SLC30A7: variants seen among roughly 807,000 people sequenced by gnomAD.
SLC30A7 encodes the protein solute carrier family 30 member 7, also known as zinc transporter 7.
In SLC30A7, 35 loss-of-function variants were observed where a neutral mutation model predicts 46.0. That is an observed-to-expected ratio of 0.76 (90% CI 0.58 to 1.01). The LOEUF is 1.01. SLC30A7 is among the 50% of genes least tolerant of loss of function. The pLI is 0.00. For missense variants in SLC30A7, 464 were observed against 451.1 expected (o/e 1.03, Z -0.26); for synonymous variants, 147 against 157.8 (o/e 0.93, Z 0.51).
At chr1:100,946,746 C>CT (rs1553240386) in intron 8 of SLC30A7, among the ~76,000 whole-genome samples, 1 of 151,916 alleles carries the variant, frequency 6.6e-6, no homozygotes, top group African/African-American at 2.4e-5. Context: ...CCAAAATTTT[C>CT]TTTTTTTTGT....
intron 2 of SLC30A7, among the ~76,000 whole-genome samples, chr1:100,904,496 G>T (rs1266936977): frequency 6.6e-6 from 1 of 150,682 alleles, no homozygotes; most frequent in African/African-American, 2.4e-5. Context: ...TCAATATCTT[G>T]GTCTGGTTCT....
intron 3 of SLC30A7, 33 bp from the exon 4 acceptor site, chr1:100,911,029 TA>T: frequency 6.9e-7 from 1 of 1,452,322 alleles, no homozygotes; most frequent in South Asian, 1.2e-5. Flanking sequence ...AGAAATAACA[TA>T]ATAATTCAGT....
chr1:100,966,532 C>G (rs763847284), intron 10 of SLC30A7, among the ~76,000 whole-genome samples: 2 of 150,426 alleles, frequency 1.3e-5, no homozygotes, highest in Non-Finnish European at 3.0e-5. Flanking sequence ...TTGCAGTGAG[C>G]CAAGATCACG....
intron 6 of SLC30A7, among the ~76,000 whole-genome samples, 197 bp downstream of exon 6, chr1:100,914,003 C>CT (rs904733447): frequency 6.6e-6 from 1 of 152,068 alleles, no homozygotes; most frequent in African/African-American, 2.4e-5. Flanking sequence ...TGGATGTTCG[C>CT]TTTTTTCCAG....
the SLC30A7 span, chr1:100,990,339 G>C: frequency 1.4e-6 from 2 of 1,407,330 alleles, no homozygotes; most frequent in Non-Finnish European, 2.0e-6. Context: ...ACTTGGGTGG[G>C]GATACATCCA....
At chr1:100,972,338 G>A (rs899320789) in intron 10 of SLC30A7, 3 of 266,990 alleles carry the variant, frequency 1.1e-5, no homozygotes, top group Non-Finnish European at 2.4e-5. Flanking sequence ...GGGCCAGATG[G>A]ATAAAGCAAA....
intron 2 of SLC30A7, among the ~76,000 whole-genome samples, chr1:100,906,493 A>C (rs1489805502): frequency 6.6e-6 from 1 of 152,076 alleles, no homozygotes; most frequent in African/African-American, 2.4e-5. Context: ...TCCTGGGTGC[A>C]AGCAGGTATC....
chr1:100,969,680 A>ATC (rs1411369111), intron 10 of SLC30A7, among the ~76,000 whole-genome samples: 1 of 152,184 alleles, frequency 6.6e-6, no homozygotes, highest in African/African-American at 2.4e-5. Context: ...AAAATATTTT[A>ATC]AGCCTTTTTA....
intron 8 of SLC30A7, among the ~76,000 whole-genome samples, chr1:100,944,576 T>G (rs1214737998): frequency 6.6e-6 from 1 of 152,088 alleles, no homozygotes; most frequent in African/African-American, 2.4e-5. Flanking sequence ...TAAATAGGTA[T>G]GCATGTGCCA....
At chr1:100,941,711 C>G (rs562660900) in intron 8 of SLC30A7, 6 of 643,418 alleles carry the variant, frequency 9.3e-6, no homozygotes, top group Admixed American at 9.1e-5. Context: ...GGTTCCACAA[C>G]TCTTCCATCC....
intron 8 of SLC30A7, among the ~76,000 whole-genome samples, chr1:100,929,320 A>G (rs922971059): frequency 5.9e-5 from 9 of 152,288 alleles, no homozygotes; most frequent in African/African-American, 2.2e-4. Flanking sequence ...AAAGTACAAA[A>G]TAAAGAAATT....
At chr1:100,903,161 T>C (rs1651415308) in intron 2 of SLC30A7, among the ~76,000 whole-genome samples, 1 of 152,126 alleles carries the variant, frequency 6.6e-6, no homozygotes, top group Admixed American at 6.5e-5. Context: ...CAAAATTGAC[T>C]TTTAAATTTA....
At chr1:100,990,447 TG>T in the SLC30A7 span, 30 of 1,614,148 alleles carry the variant, frequency 1.9e-5, no homozygotes, top group Non-Finnish European at 2.5e-5. Flanking sequence ...AGCTATTTTC[TG>T]GTATGGAAAA....
chr1:100,896,206 A>ACC lies in SLC30A7; in HGVS notation c.-54_-53dup. 6.6e-7 allele frequency: 1 copy of ACC among 1,507,256 alleles called. No individual in the cohort carries two copies. The highest frequency in any genetic ancestry group is 9.2e-7 in the Non-Finnish European group (1 of 1,083,420). 93.4% of individuals were successfully genotyped at this position (1,507,256 alleles called of 1,614,324 possible). ...AGGCGTCACTACTGTCACTGCCATC[A>ACC]CCCCACGGAGCCACTTCTAGAGGGG... is the stretch of plus-strand genomic sequence containing the variant. On this transcript the variant is annotated 5_prime_UTR_variant, in exon 1 of 11. Transcript: ENST00000357650.
intron 8 of SLC30A7, 109 bp downstream of exon 8, chr1:100,921,950 CTT>C (rs11166531): frequency 0.071 from 27,486 of 387,374 alleles, no homozygotes; most frequent in South Asian, 0.097. Flanking sequence ...CCTTTGCTTG[CTT>C]TTTTTTTTTT....
chr1:100,896,202 C>A lies in SLC30A7; in HGVS notation c.-61C>A. 1 of 1,476,806 alleles carries A rather than the reference C, an allele frequency of 6.8e-7. No homozygotes were observed. The highest frequency in any genetic ancestry group is 9.5e-7 in the Non-Finnish European group (1 of 1,055,762). 91.5% of individuals were successfully genotyped at this position (1,476,806 alleles called of 1,614,324 possible). ...TTTGAGGCGTCACTACTGTCACTGC[C>A]ATCACCCCACGGAGCCACTTCTAGA... On this transcript the variant is annotated 5_prime_UTR_variant, in exon 1 of 11. Coordinates refer to ENST00000357650, the MANE Select transcript of SLC30A7 (RefSeq NM_133496.5).
At chr1:100,956,572 T>C (rs1460482637) in intron 8 of SLC30A7, among the ~76,000 whole-genome samples, 1 of 152,212 alleles carries the variant, frequency 6.6e-6, no homozygotes, top group African/African-American at 2.4e-5. Flanking sequence ...AGGATTATTA[T>C]AGATGGGATT....
intron 8 of SLC30A7, among the ~76,000 whole-genome samples, chr1:100,954,960 CTTTGTG>C (rs1472847302): frequency 1.3e-5 from 2 of 151,618 alleles, no homozygotes; most frequent in African/African-American, 4.8e-5. Context: ...AATTTTCTTT[CTTTGTG>C]TTTGTAGATT....
intron 6 of SLC30A7, among the ~76,000 whole-genome samples, chr1:100,915,244 T>TCTTTCTTC (rs1235551915): frequency 1.1e-4 from 16 of 139,650 alleles, no homozygotes; most frequent in Non-Finnish European, 1.9e-4. Flanking sequence ...TTTCTTTCTT[T>TCTTTCTTC]CTTTCTTTCT....
Sources: gnomAD v4.1 joint callset for allele counts (sites outside exome capture counted in the v4.1 genomes callset) on GRCh38, gnomAD v4.1.1 for gene constraint, MANE v1.5 for transcripts, NCBI Gene and HGNC (gene_info 2026-07-23, HGNC 2026-07-21) for gene names.